The following SLC14A2 variants were observed in gnomAD, a reference collection of about 807,000 sequenced individuals.
The protein encoded by SLC14A2 is solute carrier family 14 member 2.
SLC14A2 carries 91 observed loss-of-function variants against 104.6 expected under a neutral mutation model. The observed-to-expected ratio is 0.87, with a 90% CI of 0.73 to 1.04. The LOEUF is 1.04. Among genes scored for constraint, SLC14A2 ranks in the 50% least tolerant of loss-of-function variants. The probability of loss-of-function intolerance (pLI) is 0.00; values close to 1 mark genes in which losing one functional copy is unlikely to be tolerated. For synonymous variants in SLC14A2, 476 were observed against 466.4 expected (o/e 1.02, Z -0.27); for missense variants, 1,189 against 1,156.0 (o/e 1.03, Z -0.41).
chr18:45,523,081 GGTGGGGT>G (rs2043538933), intron 2 of SLC14A2, among the ~76,000 whole-genome samples: 1 of 152,184 alleles, frequency 6.6e-6, no homozygotes, highest in South Asian at 2.1e-4. Context: ...ACTGGTCACT[GGTGGGGT>G]GTGGGGTGGG....
rs574655438 is a variant in SLC14A2, at chr18:45,546,182, C to T, written c.-35+62860C>T. On this transcript the variant is annotated intron_variant, in intron 2 of 20. Coordinates refer to the SLC14A2 transcript ENST00000586448. Reference sequence around the variant, plus strand: ...GTCTGTCCCTATCCCAGCAACATGCCTATTACTTTTGCTATTCAATAAACA... The same window carrying T: ...GTCTGTCCCTATCCCAGCAACATGCTTATTACTTTTGCTATTCAATAAACA... Among the ~76,000 whole-genome samples the T allele has an allele frequency of 2.6e-5, 4 of 152,304 alleles. No individual in the cohort carries two copies. The South Asian group carries it at 8.3e-4, about 32-fold the overall frequency.
At chr18:45,658,647 G>A (rs117937232) in intron 10 of SLC14A2, among the ~76,000 whole-genome samples, 2,252 of 151,070 alleles carry the variant, frequency 0.015, 35 homozygotes, top group Non-Finnish European at 0.024. Flanking sequence ...TTGGGTAAAG[G>A]TTGATATTCA....
chr18:45,441,588 C>T (rs1456011366), intron 1 of SLC14A2, among the ~76,000 whole-genome samples: 1 of 152,218 alleles, frequency 6.6e-6, no homozygotes, highest in African/African-American at 2.4e-5. Flanking sequence ...CCAAGTTCAA[C>T]TTTTCTCTGT....
intron 2 of SLC14A2, among the ~76,000 whole-genome samples, chr18:45,533,921 A>G (rs967437404): frequency 1.1e-4 from 17 of 152,208 alleles, no homozygotes; most frequent in African/African-American, 3.6e-4. Context: ...AATCTGGCTC[A>G]GTAGTTTTAA....
intron 2 of SLC14A2, among the ~76,000 whole-genome samples, chr18:45,515,040 A>G (rs2705364): frequency 0.97 from 148,493 of 152,310 alleles, 72,512 homozygotes; most frequent in Middle Eastern, 1. Flanking sequence ...GACTTTTCCT[A>G]GAATAGGTGG....
intron 2 of SLC14A2, among the ~76,000 whole-genome samples, chr18:45,556,094 A>T (rs6507623): frequency 2.6e-5 from 4 of 151,928 alleles, no homozygotes; most frequent in Non-Finnish European, 5.9e-5. Flanking sequence ...TCTGGGTTGC[A>T]GACTGCCATT....
chr18:45,462,183 G>A (rs1280878683), intron 1 of SLC14A2, among the ~76,000 whole-genome samples: 1 of 152,112 alleles, frequency 6.6e-6, no homozygotes. Flanking sequence ...CAAACACAGG[G>A]CAAATATTTT....
At position 45,322,165 on chromosome 18, in the gene SLC14A2, C is replaced by A. The variant is rs1252789095; in HGVS notation, c.-125+108974C>A. Among the ~76,000 whole-genome samples the A allele has an allele frequency of 3.9e-5, 6 of 152,190 alleles. No individual in the cohort carries two copies. In the East Asian group the frequency reaches 1.2e-3, roughly 29 times the overall value. Reference sequence around the variant, plus strand: ...AGGAATAAATGGCAAATACTTTCATCTTATTCATTTGATCCAGCTGCAAAA... The same window carrying A: ...AGGAATAAATGGCAAATACTTTCATATTATTCATTTGATCCAGCTGCAAAA... On this transcript the variant is annotated intron_variant, in intron 1 of 20. Transcript: ENST00000586448.
upstream of SLC14A2, among the ~76,000 whole-genome samples, chr18:45,614,148 G>A (rs1488934463): frequency 6.6e-6 from 1 of 152,268 alleles, no homozygotes; most frequent in African/African-American, 2.4e-5. Flanking sequence ...CCAGTGTACA[G>A]TTCAGGCCAT....
At chr18:45,252,658 G>A (rs760922882) in intron 1 of SLC14A2, among the ~76,000 whole-genome samples, 7 of 152,040 alleles carry the variant, frequency 4.6e-5, no homozygotes, top group Non-Finnish European at 8.8e-5. Flanking sequence ...AAACCCTCAC[G>A]GTTCTAGATC....
chr18:45,181,861 ATGAGT>A, the SLC14A2 span, among the ~76,000 whole-genome samples: 1 of 152,182 alleles, frequency 6.6e-6, no homozygotes, highest in African/African-American at 2.4e-5. Context: ...GAATATAATA[ATGAGT>A]TTCCATTAAT....
intron 1 of SLC14A2, among the ~76,000 whole-genome samples, chr18:45,295,642 C>CGA (rs377197568): frequency 4.4e-4 from 67 of 152,232 alleles, no homozygotes; most frequent in African/African-American, 1.6e-3. Context: ...GTCCTCCCAG[C>CGA]GAGGCGTGTC....
At chr18:45,452,855 A>T (rs1170198700) in intron 1 of SLC14A2, among the ~76,000 whole-genome samples, 1 of 152,208 alleles carries the variant, frequency 6.6e-6, no homozygotes, top group African/African-American at 2.4e-5. Flanking sequence ...TGTTTGAGGC[A>T]TTCTTCAGCA....
At chr18:45,638,552 G>A (rs2045463673) in intron 6 of SLC14A2, among the ~76,000 whole-genome samples, 1 of 152,158 alleles carries the variant, frequency 6.6e-6, no homozygotes, top group Non-Finnish European at 1.5e-5. Flanking sequence ...CTGAGGACCT[G>A]CCATGCCCCA....
At chr18:45,184,275 A>G in the SLC14A2 span, among the ~76,000 whole-genome samples, 2 of 152,224 alleles carry the variant, frequency 1.3e-5, no homozygotes, top group Non-Finnish European at 2.9e-5. Context: ...TTTAGCAATG[A>G]AAAAAGCAAA....
At chr18:45,589,446 T>C (rs974213790) in intron 2 of SLC14A2, among the ~76,000 whole-genome samples, 5 of 152,188 alleles carry the variant, frequency 3.3e-5, no homozygotes, top group Non-Finnish European at 2.9e-5. Context: ...TGTGATTTTG[T>C]TTATAGGAAA....
intron 1 of SLC14A2, among the ~76,000 whole-genome samples, chr18:45,257,603 A>G (rs556117579): frequency 6.6e-6 from 1 of 152,292 alleles, no homozygotes; most frequent in South Asian, 2.1e-4. Flanking sequence ...TATTGTTTCC[A>G]ATTGATTTCT....
the SLC14A2 span, among the ~76,000 whole-genome samples, chr18:45,193,357 T>A: frequency 6.6e-6 from 1 of 152,240 alleles, no homozygotes; most frequent in East Asian, 1.9e-4. Flanking sequence ...AGAAGTTTTA[T>A]TGTTTTAAGG....
At chr18:45,179,490 G>A in the SLC14A2 span, among the ~76,000 whole-genome samples, 1 of 150,792 alleles carries the variant, frequency 6.6e-6, no homozygotes, top group East Asian at 1.9e-4. Context: ...ACAAAACACA[G>A]GGTTCTTCCT....
Sources: gnomAD v4.1 joint callset for allele counts (sites outside exome capture counted in the v4.1 genomes callset) on GRCh38, gnomAD v4.1.1 for gene constraint, MANE v1.5 for transcripts, NCBI Gene and HGNC (gene_info 2026-07-23, HGNC 2026-07-21) for gene names.